IMMP2L: variants seen among roughly 807,000 people sequenced by gnomAD.
IMMP2L encodes mitochondrial inner membrane protease subunit 2.
IMMP2L carries 18 observed loss-of-function variants against 19.3 expected under a neutral mutation model. That is an observed-to-expected ratio of 0.93 (90% confidence interval 0.64 to 1.38). The LOEUF is 1.38. IMMP2L is among the 40% of genes most tolerant of loss of function. IMMP2L has a pLI of 0.00. For missense variants in IMMP2L, 233 were observed against 218.2 expected, an observed-to-expected ratio of 1.07 and a Z score of -0.43; for synonymous variants, 76 against 73.0, an observed-to-expected ratio of 1.04 and a Z score of -0.21.
intron 3 of IMMP2L, among the ~76,000 whole-genome samples, chr7:111,087,958 T>C (rs1300566785): frequency 6.6e-6 from 1 of 152,174 alleles, no homozygotes; most frequent in African/African-American, 2.4e-5. Context: ...AAAAATGACA[T>C]GCAGAGATAA....
rs567776484 is a variant in IMMP2L, at chr7:110,866,355, C to T, written c.408+20238G>A. Among the ~76,000 whole-genome samples the T allele has an allele frequency of 7.2e-5, 11 of 151,734 alleles. No homozygotes were observed. The East Asian group carries it at 7.8e-4, about 11-fold the overall frequency. ...AGTGAGTTTTAAAACAGCACAAAGGCGATGGTTTGAGAACATTCAGATAAG... is the reference window on the plus strand; with the variant it reads ...AGTGAGTTTTAAAACAGCACAAAGGTGATGGTTTGAGAACATTCAGATAAG... On this transcript the variant is annotated intron_variant, in intron 5 of 5. Coordinates refer to ENST00000405709, the MANE Select transcript of IMMP2L (RefSeq NM_032549.4).
At chr7:111,431,457 G>C (rs1037200954) in intron 3 of IMMP2L, among the ~76,000 whole-genome samples, 1 of 151,818 alleles carries the variant, frequency 6.6e-6, no homozygotes, top group Non-Finnish European at 1.5e-5. Context: ...AAGGATCATG[G>C]TACCCTAACA....
intron 3 of IMMP2L, among the ~76,000 whole-genome samples, chr7:111,380,895 C>T (rs1398971364): frequency 6.6e-6 from 1 of 152,012 alleles, no homozygotes. Flanking sequence ...GTAACAGAAT[C>T]TGTTTCTCTA....
At chr7:111,072,678 G>A (rs573710583) in intron 3 of IMMP2L, among the ~76,000 whole-genome samples, 7 of 152,118 alleles carry the variant, frequency 4.6e-5, no homozygotes, top group East Asian at 1.9e-4. Context: ...GGCGGATCAC[G>A]AGGTCAGGAG....
chr7:111,350,810 T>C (rs1828072702), intron 3 of IMMP2L, among the ~76,000 whole-genome samples: 1 of 152,172 alleles, frequency 6.6e-6, no homozygotes, highest in African/African-American at 2.4e-5. Context: ...GTATCTATTT[T>C]TAATTGTGTT....
intron 3 of IMMP2L, among the ~76,000 whole-genome samples, chr7:111,151,837 G>C (rs1261007034): frequency 6.6e-6 from 1 of 152,142 alleles, no homozygotes; most frequent in African/African-American, 2.4e-5. Context: ...TCAGGAGGCT[G>C]AGGCACAAGA....
chr7:110,921,925 A>G lies in IMMP2L; in HGVS notation c.306-35230T>C, dbSNP rs144518914. On this transcript the variant is annotated intron_variant, in intron 4 of 5. Transcript: ENST00000405709. ...CCAGAGTCCTTGGCATTAGTCAGAA[A>G]TTATCTTTTCTTGCAGTGGCATGTC... Among the ~76,000 whole-genome samples the G allele has an allele frequency of 2.9e-3, 434 of 152,278 alleles. 3 individuals are homozygous for G. The highest frequency in any genetic ancestry group is 0.01 in the African/African-American group (416 of 41,572).
intron 5 of IMMP2L, among the ~76,000 whole-genome samples, chr7:110,855,617 T>C (rs760339576): frequency 1.3e-5 from 2 of 152,004 alleles, no homozygotes; most frequent in African/African-American, 2.4e-5. Context: ...GCAGAGAATG[T>C]TTAATATCCC....
chr7:111,131,230 A>T (rs2129593876), intron 3 of IMMP2L, among the ~76,000 whole-genome samples: 1 of 152,200 alleles, frequency 6.6e-6, no homozygotes, highest in East Asian at 1.9e-4. Context: ...AGTGAAAAAA[A>T]AAATGAACCA....
chr7:111,453,450 G>C (rs989221815), intron 3 of IMMP2L, among the ~76,000 whole-genome samples: 10 of 152,036 alleles, frequency 6.6e-5, no homozygotes, highest in African/African-American at 2.4e-4. Context: ...ATTGAGAGAC[G>C]CATTTGTGAA....
chr7:111,365,377 C>T (rs1046099009), intron 3 of IMMP2L, among the ~76,000 whole-genome samples: 1 of 152,150 alleles, frequency 6.6e-6, no homozygotes, highest in African/African-American at 2.4e-5. Flanking sequence ...CTGCCTGTGA[C>T]AGACATCATT....
intron 2 of IMMP2L, among the ~76,000 whole-genome samples, chr7:111,506,663 G>A (rs543354726): frequency 6.6e-6 from 1 of 152,284 alleles, no homozygotes; most frequent in East Asian, 1.9e-4. Context: ...CCAAAGTGCT[G>A]GGATTACAGG....
chr7:110,912,632 A>T (rs1813181472), intron 4 of IMMP2L, among the ~76,000 whole-genome samples: 1 of 151,904 alleles, frequency 6.6e-6, no homozygotes, highest in Non-Finnish European at 1.5e-5. Flanking sequence ...GGGCAATTTT[A>T]CAAAGAAAAG....
At chr7:111,448,356 A>G (rs1838745534) in intron 3 of IMMP2L, among the ~76,000 whole-genome samples, 1 of 150,216 alleles carries the variant, frequency 6.7e-6, no homozygotes, top group Non-Finnish European at 1.5e-5. Context: ...ATAACAAACT[A>G]TCTCTCAGAC....
At chr7:111,114,133 T>TACAC (rs71151831) in intron 3 of IMMP2L, among the ~76,000 whole-genome samples, 11,505 of 146,588 alleles carry the variant, frequency 0.078, 505 homozygotes, top group African/African-American at 0.12. Flanking sequence ...CACATAAATC[T>TACAC]ACACACACAC....
At chr7:110,719,795 G>C (rs1795457917) in intron 5 of IMMP2L, among the ~76,000 whole-genome samples, 1 of 152,106 alleles carries the variant, frequency 6.6e-6, no homozygotes, top group Non-Finnish European at 1.5e-5. Flanking sequence ...ACAATAATGA[G>C]AGTTCATCAC....
intron 5 of IMMP2L, among the ~76,000 whole-genome samples, chr7:110,850,747 TAAAGA>T (rs1382667263): frequency 7.3e-5 from 11 of 151,508 alleles, no homozygotes; most frequent in Non-Finnish European, 1.2e-4. Flanking sequence ...TCAGGAACTA[TAAAGA>T]AAAGACTGAT....
chr7:110,931,502 C>T (rs1446654566), intron 4 of IMMP2L, among the ~76,000 whole-genome samples: 1 of 152,098 alleles, frequency 6.6e-6, no homozygotes, highest in Non-Finnish European at 1.5e-5. Flanking sequence ...CCTCTGATTC[C>T]TCTGTTTACT....
intron 3 of IMMP2L, among the ~76,000 whole-genome samples, chr7:111,218,791 G>A (rs1197437219): frequency 6.6e-6 from 1 of 151,996 alleles, no homozygotes; most frequent in African/African-American, 2.4e-5. Context: ...TGACATCAGT[G>A]GAAATTACTT....
Sources: gnomAD v4.1 joint callset for allele counts (sites outside exome capture counted in the v4.1 genomes callset) on GRCh38, gnomAD v4.1.1 for gene constraint, MANE v1.5 for transcripts, NCBI Gene and HGNC (gene_info 2026-07-23, HGNC 2026-07-21) for gene names.